Variants in ZBTB7C observed in about 807,000 individuals in gnomAD.
The protein encoded by ZBTB7C is zinc finger and BTB domain-containing protein 7C.
ZBTB7C carries 8 observed loss-of-function variants against 25.7 expected under a neutral mutation model. The ratio of observed to expected loss-of-function variants is 0.31; its 90% CI spans 0.18 to 0.56. ZBTB7C has a LOEUF of 0.56. Among genes scored for constraint, ZBTB7C ranks in the 20% least tolerant of loss-of-function variants. The pLI is 0.91. For synonymous variants in ZBTB7C, 394 were observed against 369.0 expected, an observed-to-expected ratio of 1.07 and a Z score of -0.78; for missense variants, 824 against 855.2, an observed-to-expected ratio of 0.96 and a Z score of 0.46.
intron 3 of ZBTB7C, among the ~76,000 whole-genome samples, chr18:48,097,779 T>A (rs2038692565): frequency 6.6e-6 from 1 of 152,210 alleles, no homozygotes; most frequent in Non-Finnish European, 1.5e-5. Context: ...CTGTAGCACA[T>A]TTTCTGCTTT....
intron 2 of ZBTB7C, among the ~76,000 whole-genome samples, chr18:48,206,915 A>G (rs779916849): frequency 1.3e-5 from 2 of 152,244 alleles, no homozygotes; most frequent in Non-Finnish European, 2.9e-5. Flanking sequence ...CCATTAAAAG[A>G]GTAAAAACGC....
At chr18:48,227,991 G>A (rs893875293) in intron 2 of ZBTB7C, among the ~76,000 whole-genome samples, 1 of 152,134 alleles carries the variant, frequency 6.6e-6, no homozygotes, top group Non-Finnish European at 1.5e-5. Context: ...GCAATGGGAG[G>A]AAAGGGATGG....
At chr18:48,213,813 T>C (rs755354726) in intron 2 of ZBTB7C, among the ~76,000 whole-genome samples, 1 of 152,206 alleles carries the variant, frequency 6.6e-6, no homozygotes, top group Non-Finnish European at 1.5e-5. Context: ...AGAAACTGGC[T>C]AACGGGCAAT....
chr18:48,223,812 C>A (rs8083354), intron 2 of ZBTB7C, among the ~76,000 whole-genome samples: 4,699 of 152,348 alleles, frequency 0.031, 87 homozygotes, highest in South Asian at 0.04. Context: ...GTTTAAGAGT[C>A]TGCTGTTTCC....
intron 2 of ZBTB7C, among the ~76,000 whole-genome samples, chr18:48,189,490 T>G (rs1019047356): frequency 6.6e-6 from 1 of 152,208 alleles, no homozygotes; most frequent in Admixed American, 6.5e-5. Flanking sequence ...TCGTCCCCTC[T>G]GTCTTCCCAT....
intron 1 of ZBTB7C, among the ~76,000 whole-genome samples, chr18:48,403,410 AT>A (rs1172565689): frequency 6.6e-6 from 1 of 152,242 alleles, no homozygotes; most frequent in Non-Finnish European, 1.5e-5. Flanking sequence ...ACATGAGAGT[AT>A]GTATGAACAA....
At chr18:48,369,503 A>T (rs1869338416) in intron 1 of ZBTB7C, among the ~76,000 whole-genome samples, 1 of 152,160 alleles carries the variant, frequency 6.6e-6, no homozygotes, top group South Asian at 2.1e-4. Flanking sequence ...GTCTACAAAA[A>T]ATTCACTTTA....
rs117810949 is a variant in ZBTB7C at position 48,099,298 on chromosome 18, A to T, written c.-16-58175T>A. On this transcript the variant is annotated intron_variant, in intron 3 of 4. Coordinates refer to ENST00000590800, the MANE Select transcript of ZBTB7C (RefSeq NM_001318841.2). Reference sequence around the variant, plus strand: ...ATCAGTGTTCTCCAAAGGAAAGAAAATGTGACGCATGTTGTCTCATCTTTC... The same window carrying T: ...ATCAGTGTTCTCCAAAGGAAAGAAATTGTGACGCATGTTGTCTCATCTTTC... Among the ~76,000 whole-genome samples, 27 of 152,342 alleles carry T rather than the reference A, an allele frequency of 1.8e-4. No individual in the cohort carries two copies. In the East Asian group the frequency reaches 5.0e-3, roughly 28 times the overall value.
At position 48,040,638 on chromosome 18, in the gene ZBTB7C, T is replaced by G; in HGVS notation, c.470A>C (p.Glu157Ala). ...ATCGTCATCCTCCTCCTCTTCCTCC[T>G]CCTCCTCTTCGTCCTCCTCATCATC... ...DDDDEEDEEE[E>A]EEEEEDDDDD... Residue 157 changes from glutamate (E) to alanine (A), a missense_variant, in exon 4 of 5, where the codon GAG becomes GCG. Coordinates refer to ENST00000590800, the MANE Select transcript of ZBTB7C (RefSeq NM_001318841.2). The G allele has an allele frequency of 6.2e-7, 1 of 1,613,432 alleles. No individual in the cohort carries two copies. The highest frequency in any genetic ancestry group is 8.5e-7 in the Non-Finnish European group (1 of 1,179,650).
chr18:48,047,752 C>A (rs2036530589), intron 3 of ZBTB7C, among the ~76,000 whole-genome samples: 2 of 152,332 alleles, frequency 1.3e-5, no homozygotes, highest in African/African-American at 4.8e-5. Context: ...GGCCAGCAAG[C>A]TAGTGAGCTT....
intron 3 of ZBTB7C, among the ~76,000 whole-genome samples, chr18:48,158,374 GAC>G (rs1418860554): frequency 6.6e-6 from 1 of 152,078 alleles, no homozygotes; most frequent in Non-Finnish European, 1.5e-5. Context: ...CAAAGCCACC[GAC>G]ACACACACAG....
intron 1 of ZBTB7C, among the ~76,000 whole-genome samples, chr18:48,359,094 A>G (rs1240949396): frequency 1.3e-5 from 2 of 152,124 alleles, no homozygotes; most frequent in Non-Finnish European, 2.9e-5. Flanking sequence ...CTCACAACTT[A>G]CTGCCCGGAG....
At chr18:48,389,189 A>ACTCTCT (rs757520664) in intron 1 of ZBTB7C, among the ~76,000 whole-genome samples, 8 of 64,122 alleles carry the variant, frequency 1.2e-4, no homozygotes, top group Non-Finnish European at 1.4e-4. Context: ...GAGCCCTTTA[A>ACTCTCT]CTCTCTCTCT....
At chr18:48,346,985 A>T (rs1319634533) in intron 1 of ZBTB7C, among the ~76,000 whole-genome samples, 1 of 151,368 alleles carries the variant, frequency 6.6e-6, no homozygotes, top group Non-Finnish European at 1.5e-5. Flanking sequence ...GGTTTTCACC[A>T]TGTTGGTCAG....
chr18:48,142,459 T>G (rs1157570781), intron 3 of ZBTB7C, among the ~76,000 whole-genome samples: 1 of 151,980 alleles, frequency 6.6e-6, no homozygotes, highest in Non-Finnish European at 1.5e-5. Flanking sequence ...CAGGCTGGAG[T>G]GCAGGGCAGG....
chr18:48,389,510 A>G (rs535396438), intron 1 of ZBTB7C, among the ~76,000 whole-genome samples: 1 of 136,074 alleles, frequency 7.3e-6, no homozygotes, highest in African/African-American at 2.9e-5. Context: ...GTAGAGATTG[A>G]AAATATGTAT....
At position 48,042,249 on chromosome 18, in the gene ZBTB7C, T is replaced by C. The variant is rs55823458; in HGVS notation, c.-16-1126A>G. ...AGAGACAGAAACTAAACAAACACCA[T>C]GGCTTCAGGCTGCTAAAAGCCTAAA... On this transcript the variant is annotated intron_variant, in intron 3 of 4. Transcript: ENST00000590800. Among the ~76,000 whole-genome samples, 940 of 152,330 alleles carry C rather than the reference T, an allele frequency of 6.2e-3. 11 individuals are homozygous for C. Among genetic ancestry groups the C allele is most frequent in the African/African-American group, 0.021 (884 of 41,560 alleles).
intron 1 of ZBTB7C, among the ~76,000 whole-genome samples, chr18:48,363,250 T>C (rs2047151215): frequency 6.6e-6 from 1 of 152,158 alleles, no homozygotes; most frequent in Non-Finnish European, 1.5e-5. Flanking sequence ...AGAGTGTTTC[T>C]ATAGGAGGGT....
At chr18:48,302,593 G>C (rs553293398) in intron 2 of ZBTB7C, among the ~76,000 whole-genome samples, 73 of 152,322 alleles carry the variant, frequency 4.8e-4, no homozygotes, top group African/African-American at 1.7e-3. Flanking sequence ...GTTCAATAGA[G>C]AGCTAGCTAA....
Sources: gnomAD v4.1 joint callset for allele counts (sites outside exome capture counted in the v4.1 genomes callset) on GRCh38, gnomAD v4.1.1 for gene constraint, MANE v1.5 for transcripts, NCBI Gene and HGNC (gene_info 2026-07-23, HGNC 2026-07-21) for gene names.